The following ZNF385D variants were observed in gnomAD, a reference collection of about 807,000 sequenced individuals.
The protein encoded by ZNF385D is zinc finger protein 385D.
In ZNF385D, 15 loss-of-function variants were observed where a neutral mutation model predicts 35.8. That is an observed-to-expected ratio of 0.42 (90% CI 0.28 to 0.64). The LOEUF (loss-of-function observed/expected upper bound fraction) is 0.64. Ranked by LOEUF, ZNF385D falls within the 30% of genes least tolerant of loss-of-function variation. ZNF385D has a pLI of 0.23. For synonymous variants in ZNF385D, 212 were observed against 186.8 expected, an observed-to-expected ratio of 1.13 and a Z score of -1.10; for missense variants, 474 against 494.6, an observed-to-expected ratio of 0.96 and a Z score of 0.39.
In ZNF385D at chr3:22,242,934, T is replaced by C. The variant is rs941587038; in HGVS notation, c.107-73899A>G. On this transcript the variant is annotated intron_variant, in intron 2 of 5. Transcript: ENST00000494108. Reference sequence around the variant, plus strand: ...AGAAGAGCAAAAAGTATACAAATCTTAGGAGAAAAGCTACATGTAAATGTT... The same window carrying C: ...AGAAGAGCAAAAAGTATACAAATCTCAGGAGAAAAGCTACATGTAAATGTT... Among the ~76,000 whole-genome samples the C allele has an allele frequency of 6.0e-5, 9 of 150,994 alleles. 1 individual carries two copies. The highest frequency in any genetic ancestry group is 2.2e-4 in the African/African-American group (9 of 40,828).
At chr3:21,518,459 A>G (rs932694839) in intron 3 of ZNF385D, among the ~76,000 whole-genome samples, 2 of 152,122 alleles carry the variant, frequency 1.3e-5, no homozygotes, top group African/African-American at 4.8e-5. Context: ...TTATCTCTAT[A>G]TTGAATGCAT....
chr3:21,823,799 G>A (rs1694426580), intron 3 of ZNF385D, among the ~76,000 whole-genome samples: 1 of 152,180 alleles, frequency 6.6e-6, no homozygotes, highest in African/African-American at 2.4e-5. Context: ...GTGCCGCATT[G>A]TCAGATAAGG....
chr3:22,077,629 G>C (rs866372336), intron 3 of ZNF385D, among the ~76,000 whole-genome samples: 7 of 151,888 alleles, frequency 4.6e-5, no homozygotes, highest in Admixed American at 1.3e-4. Context: ...ATAAATATTT[G>C]ATGTTTTTGG....
intron 1 of ZNF385D, among the ~76,000 whole-genome samples, chr3:21,672,138 A>G (rs557534808): frequency 6.6e-6 from 1 of 152,192 alleles, no homozygotes; most frequent in Non-Finnish European, 1.5e-5. Flanking sequence ...TCAGTCATCC[A>G]AACTCCATCC....
At chr3:22,092,045 A>G (rs1476231392) in intron 3 of ZNF385D, among the ~76,000 whole-genome samples, 2 of 152,312 alleles carry the variant, frequency 1.3e-5, no homozygotes, top group East Asian at 1.9e-4. Flanking sequence ...AGGTGGAAAT[A>G]CAGAGTTGTT....
At chr3:21,771,988 C>T (rs1226972501) in intron 3 of ZNF385D, among the ~76,000 whole-genome samples, 1 of 151,884 alleles carries the variant, frequency 6.6e-6, no homozygotes, top group Admixed American at 6.6e-5. Flanking sequence ...AACAAGTAAT[C>T]TCTTCAACAA....
intron 3 of ZNF385D, among the ~76,000 whole-genome samples, chr3:21,546,737 G>A (rs886229442): frequency 3.9e-5 from 6 of 152,142 alleles, no homozygotes; most frequent in Middle Eastern, 3.4e-3. Context: ...TAAAGGCCAC[G>A]TTAATATCCA....
At chr3:22,058,995 C>A (rs1341795361) in intron 3 of ZNF385D, among the ~76,000 whole-genome samples, 1 of 152,148 alleles carries the variant, frequency 6.6e-6, no homozygotes, top group Admixed American at 6.5e-5. Flanking sequence ...ATTTCAATCA[C>A]CCCTAAACCT....
At chr3:21,567,500 C>G (rs1043552128) in intron 2 of ZNF385D, among the ~76,000 whole-genome samples, 3 of 152,158 alleles carry the variant, frequency 2.0e-5, no homozygotes, top group Admixed American at 6.5e-5. Flanking sequence ...TCTCTAGGAT[C>G]ATTCTATCAC....
intron 1 of ZNF385D, among the ~76,000 whole-genome samples, chr3:21,681,316 A>AAAAAAAAAAAAAAAAAC (rs1334410224): frequency 1.6e-4 from 23 of 141,766 alleles, no homozygotes; most frequent in Non-Finnish European, 2.7e-4. Context: ...AAAAAAAAAA[A>AAAAAAAAAAAAAAAAAC]AAAAAAAACC....
intron 3 of ZNF385D, among the ~76,000 whole-genome samples, chr3:21,827,711 G>C (rs1343839511): frequency 1.3e-5 from 2 of 152,126 alleles, no homozygotes; most frequent in Admixed American, 1.3e-4. Flanking sequence ...GGAAGGAAAA[G>C]GCATATTACA....
At chr3:22,235,418 C>T (rs1015034903) in intron 2 of ZNF385D, among the ~76,000 whole-genome samples, 2 of 152,034 alleles carry the variant, frequency 1.3e-5, no homozygotes, top group Non-Finnish European at 2.9e-5. Context: ...TTTATTTTAA[C>T]AGGACGAAAC....
At chr3:22,175,859 CAA>C (rs1383957878) in intron 2 of ZNF385D, among the ~76,000 whole-genome samples, 2 of 149,546 alleles carry the variant, frequency 1.3e-5, no homozygotes, top group African/African-American at 2.4e-5. Flanking sequence ...CCTCTATATT[CAA>C]GACTAATGTA....
intron 2 of ZNF385D, among the ~76,000 whole-genome samples, chr3:21,582,371 A>C (rs938675273): frequency 2.0e-5 from 3 of 152,228 alleles, no homozygotes; most frequent in African/African-American, 7.2e-5. Context: ...GCTATTAAAA[A>C]GTATCTCCAA....
chr3:21,648,468 G>C (rs1044021354), intron 2 of ZNF385D, among the ~76,000 whole-genome samples: 3 of 152,086 alleles, frequency 2.0e-5, no homozygotes, highest in Non-Finnish European at 4.4e-5. Flanking sequence ...AGAGTGCTAG[G>C]ACATGTAGGC....
At position 22,136,679 on chromosome 3, in the gene ZNF385D, G is replaced by A. The variant is rs559130436; in HGVS notation, c.325+32138C>T. Among the ~76,000 whole-genome samples, 8 of 152,260 alleles carry A rather than the reference G, an allele frequency of 5.3e-5. No individual in the cohort carries two copies. In the South Asian group the frequency reaches 1.7e-3, roughly 32 times the overall value. ...TATTAATCATTGCCAAAACGTGGGA[G>A]CAACCATTATGTCCTTCAATAGGAG... On this transcript the variant is annotated intron_variant, in intron 3 of 5. Coordinates refer to the ZNF385D transcript ENST00000494108.
intron 2 of ZNF385D, among the ~76,000 whole-genome samples, chr3:22,323,013 A>T (rs1694513177): frequency 1.3e-5 from 2 of 151,998 alleles, no homozygotes; most frequent in African/African-American, 4.8e-5. Context: ...AGGTAACCGT[A>T]CTCCTGAAAA....
intron 4 of ZNF385D, among the ~76,000 whole-genome samples, chr3:21,492,097 C>A (rs78831013): frequency 0.1 from 15,145 of 151,986 alleles, 1,122 homozygotes; most frequent in Non-Finnish European, 0.14. Context: ...CAGGAAGTGA[C>A]ACATTATAAT....
At chr3:22,198,792 G>C (rs1178316345) in intron 2 of ZNF385D, among the ~76,000 whole-genome samples, 1 of 152,014 alleles carries the variant, frequency 6.6e-6, no homozygotes, top group Non-Finnish European at 1.5e-5. Flanking sequence ...TCATATATGA[G>C]ATCTTGTCCC....
Sources: gnomAD v4.1 joint callset for allele counts (sites outside exome capture counted in the v4.1 genomes callset) on GRCh38, gnomAD v4.1.1 for gene constraint, MANE v1.5 for transcripts, NCBI Gene and HGNC (gene_info 2026-07-23, HGNC 2026-07-21) for gene names.